Variants in ERC2 observed in about 807,000 individuals in gnomAD.
ERC2 encodes the protein ELKS/RAB6-interacting/CAST family member 2.
In ERC2, 42 loss-of-function variants were observed where a neutral mutation model predicts 114.8. The ratio of observed to expected loss-of-function variants is 0.37; its 90% confidence interval spans 0.29 to 0.47. ERC2 has a LOEUF of 0.47. Ranked by LOEUF, ERC2 falls within the 20% of genes least tolerant of loss-of-function variation. ERC2 has a pLI of 0.99. For missense variants in ERC2, 939 were observed against 1,150.7 expected, an observed-to-expected ratio of 0.82 and a Z score of 2.66; for synonymous variants, 454 against 425.5, an observed-to-expected ratio of 1.07 and a Z score of -0.82.
chr3:56,170,601 T>TTTG (rs1560298863), intron 4 of ERC2, among the ~76,000 whole-genome samples: 5 of 143,510 alleles, frequency 3.5e-5, no homozygotes, highest in African/African-American at 7.9e-5. Context: ...TTTTTTTTTT[T>TTTG]TTTTTTTTTT....
At chr3:55,810,646 G>C (rs914438057) in intron 14 of ERC2, among the ~76,000 whole-genome samples, 1 of 152,128 alleles carries the variant, frequency 6.6e-6, no homozygotes, top group African/African-American at 2.4e-5. Context: ...TTTCAGTAGA[G>C]ACAGGGTTTC....
chr3:55,718,538 G>T (rs1005464385), intron 15 of ERC2, among the ~76,000 whole-genome samples: 1 of 152,212 alleles, frequency 6.6e-6, no homozygotes, highest in Non-Finnish European at 1.5e-5. Flanking sequence ...ATGTAAGTAA[G>T]ATGACAGGAT....
At chr3:56,076,902 C>T (rs948615245) in intron 7 of ERC2, among the ~76,000 whole-genome samples, 1 of 152,104 alleles carries the variant, frequency 6.6e-6, no homozygotes, top group African/African-American at 2.4e-5. Flanking sequence ...CTAGCTTTGC[C>T]AGGGTAAACG....
intron 17 of ERC2, among the ~76,000 whole-genome samples, chr3:55,515,479 T>C (rs2052428302): frequency 6.6e-6 from 1 of 151,898 alleles, no homozygotes; most frequent in Non-Finnish European, 1.5e-5. Flanking sequence ...GCGATTCTCC[T>C]GCCTCAGCCT....
chr3:56,449,074 C>CAAAA lies in ERC2; in HGVS notation c.-140-13931_-140-13928dup, dbSNP rs34335399. Among the ~76,000 whole-genome samples, 36 of 112,234 alleles carry CAAAA rather than the reference C, an allele frequency of 3.2e-4. 1 individual carries two copies. Among genetic ancestry groups the CAAAA allele is most frequent in the South Asian group, 1.7e-3 (5 of 3,024 alleles). 73.6% of individuals were successfully genotyped at this position (112,234 alleles called of 152,430 possible). On this transcript the variant is annotated intron_variant, in intron 1 of 17. Coordinates refer to ENST00000288221, the MANE Select transcript of ERC2 (RefSeq NM_015576.3). ...TGGGCAACAGAGCGAGACTCCATCT[C>CAAAA]AAAAAAAAAAAAAAAAAAGTGGTAG...
rs930165268 is a variant in ERC2 at position 56,080,824 on chromosome 3, T to C, written c.1634A>G (p.Gln545Arg). 6.8e-6 allele frequency: 11 copies of C among 1,613,296 alleles called. No individual in the cohort carries two copies. The highest frequency in any genetic ancestry group is 8.5e-6 in the Non-Finnish European group (10 of 1,179,622). The change falls in exon 7 of 18, where the codon CAG becomes CGG. Residue 545 changes from glutamine (Q) to arginine (R), a missense_variant. Physicochemically the swap from Gln to Arg is conservative, Grantham distance 43 (BLOSUM62 1). Around this residue, in one of 5 missense-constraint regions of ERC2, gnomAD observed 149 missense variants for 254.6 expected, o/e 0.59. Transcript: ENST00000288221. ...EVKERKINVLQKKIENLQEQL... is the reference protein window; with the variant it reads ...EVKERKINVLRKKIENLQEQL... ...CTTATGTCAGCTACTCACCTTTTTC[T>C]GAAGAACATTGATTTTTCTTTCCTT...
intron 7 of ERC2, among the ~76,000 whole-genome samples, chr3:56,047,349 G>A (rs957004330): frequency 6.6e-6 from 1 of 152,190 alleles, no homozygotes; most frequent in African/African-American, 2.4e-5. Context: ...GGTAAGTGAT[G>A]CAAATCCAGA....
intron 16 of ERC2, among the ~76,000 whole-genome samples, chr3:55,687,690 T>A (rs1192991539): frequency 6.6e-6 from 1 of 152,198 alleles, no homozygotes; most frequent in Non-Finnish European, 1.5e-5. Context: ...TCATGGCTTC[T>A]CTAAAGCTTC....
At chr3:56,246,144 T>C (rs1050793925) in intron 3 of ERC2, among the ~76,000 whole-genome samples, 5 of 149,256 alleles carry the variant, frequency 3.3e-5, no homozygotes, top group Non-Finnish European at 7.4e-5. Context: ...CATCCCATAA[T>C]ATGCCAGGGT....
chr3:55,770,754 G>A (rs370214517), intron 14 of ERC2, among the ~76,000 whole-genome samples: 1 of 151,968 alleles, frequency 6.6e-6, no homozygotes, highest in Non-Finnish European at 1.5e-5. Flanking sequence ...CCCTCAACTC[G>A]TTATCTATAT....
intron 1 of ERC2, among the ~76,000 whole-genome samples, chr3:56,450,246 T>A (rs1355011403): frequency 1.3e-5 from 2 of 152,246 alleles, no homozygotes; most frequent in Non-Finnish European, 2.9e-5. Context: ...TTATAATTAC[T>A]GTTTTCCATG....
At chr3:56,253,359 T>C (rs1049778231) in intron 3 of ERC2, among the ~76,000 whole-genome samples, 18 of 152,242 alleles carry the variant, frequency 1.2e-4, no homozygotes, top group African/African-American at 4.3e-4. Context: ...AAGTTTTACC[T>C]TATTTAAAAA....
At chr3:55,616,894 A>T (rs2059143358) in intron 17 of ERC2, among the ~76,000 whole-genome samples, 1 of 152,230 alleles carries the variant, frequency 6.6e-6, no homozygotes, top group Non-Finnish European at 1.5e-5. Context: ...GCTGACTGTG[A>T]AAAACAGGGG....
chr3:55,891,900 T>C (rs191168602), intron 13 of ERC2, among the ~76,000 whole-genome samples: 2 of 152,350 alleles, frequency 1.3e-5, no homozygotes, highest in Admixed American at 1.3e-4. Flanking sequence ...ATGTGTGGTT[T>C]GCACAGCTAA....
chr3:56,255,694 C>T (rs1231940594), intron 3 of ERC2, among the ~76,000 whole-genome samples: 2 of 152,190 alleles, frequency 1.3e-5, no homozygotes, highest in Non-Finnish European at 2.9e-5. Context: ...CACCCATCTG[C>T]TTTGCAAGTC....
At chr3:55,913,874 A>G (rs919577954) in intron 13 of ERC2, among the ~76,000 whole-genome samples, 3 of 152,224 alleles carry the variant, frequency 2.0e-5, no homozygotes, top group African/African-American at 7.2e-5. Context: ...CACTGCATCA[A>G]TAAAAGACCA....
At chr3:55,779,058 A>C (rs985444007) in intron 14 of ERC2, among the ~76,000 whole-genome samples, 12 of 151,986 alleles carry the variant, frequency 7.9e-5, no homozygotes, top group African/African-American at 2.9e-4. Context: ...CCAATAACCC[A>C]ATAACCAGGA....
intron 2 of ERC2, among the ~76,000 whole-genome samples, chr3:56,307,215 G>A (rs143230948): frequency 9.2e-5 from 14 of 152,294 alleles, no homozygotes; most frequent in Admixed American, 7.2e-4. Context: ...CACAAAGAAC[G>A]AGAAGCCAAC....
chr3:56,132,350 C>G (rs1306011124), intron 6 of ERC2, among the ~76,000 whole-genome samples: 3 of 152,178 alleles, frequency 2.0e-5, no homozygotes, highest in Non-Finnish European at 1.5e-5. Context: ...TATGATTCAT[C>G]TTGCAAACTG....
Sources: allele counts gnomAD v4.1 joint callset (sites outside exome capture counted in the v4.1 genomes callset), GRCh38; gene constraint gnomAD v4.1.1; regional missense constraint gnomAD v4.1.1; transcripts MANE v1.5; gene names NCBI Gene and HGNC (gene_info 2026-07-23, HGNC 2026-07-21).